The following NR2F6 variants were observed in gnomAD, a reference collection of about 807,000 sequenced individuals.
NR2F6 encodes ERBA-related gene-2.
A neutral mutation model predicts 26.5 loss-of-function variants in NR2F6; 16 were observed. That is an observed-to-expected ratio of 0.60 (90% confidence interval 0.41 to 0.92). The LOEUF is 0.92. Among genes scored for constraint, NR2F6 ranks in the 40% least tolerant of loss-of-function variants. The pLI is 0.00. For missense variants in NR2F6, 536 were observed against 631.7 expected (o/e 0.85, Z 1.62); for synonymous variants, 325 against 305.0 (o/e 1.07, Z -0.68).
chr19:17,240,692 G>A lies in NR2F6; in HGVS notation c.352C>T (p.Arg118Trp), dbSNP rs146541423. The change falls in exon 2 of 4, where the codon CGG becomes TGG. Residue 118 changes from arginine (R) to tryptophan (W), a missense_variant. Coordinates refer to ENST00000291442, the MANE Select transcript of NR2F6 (RefSeq NM_005234.4). ...CQYCRLKKCF[R>W]VGMRKEAVQR... ...TCACCCTCCTTCCTCATGCCCACCC[G>A]GAAGCACTTCTTGAGACGGCAGTAC... 68 of 1,614,044 alleles carry A rather than the reference G, an allele frequency of 4.2e-5. No individual in the cohort carries two copies. Among genetic ancestry groups the A allele is most frequent in the African/African-American group, 3.7e-4 (28 of 74,916 alleles).
rs561237129 is a variant in NR2F6 at position 17,237,187 on chromosome 19, C to G, written c.374-1122G>C. On this transcript the variant is annotated intron_variant, in intron 2 of 3. Coordinates refer to ENST00000291442, the MANE Select transcript of NR2F6 (RefSeq NM_005234.4). ...GGGTTGAAGCCCGCTCCAAGGGGTC[C>G]CTGAGTCTGAGTCAACTGTCAAATG... is the stretch of plus-strand genomic sequence containing the variant. Among the ~76,000 whole-genome samples the G allele has an allele frequency of 1.8e-4, 28 of 152,184 alleles. No individual in the cohort carries two copies. The South Asian group carries it at 4.6e-3, about 25-fold the overall frequency.
At position 17,245,748 on chromosome 19, in the gene NR2F6, G is replaced by C. The variant is rs1383517900; in HGVS notation, c.-528C>G. 2.1e-5 allele frequency: 3 copies of C among 145,364 alleles called. No individual in the cohort carries two copies. The East Asian group carries it at 6.0e-4, about 29-fold the overall frequency. The allele number at this position is 145,364 out of a possible 1,614,324, so 9.0% of individuals were successfully genotyped here. ...CGCCGCGCCCCCTGGGTCCCCCGGC[G>C]CCCGCGGCTGCCGCTCCGGGCCTGC... On this transcript the variant is annotated 5_prime_UTR_variant, in exon 1 of 4. Coordinates refer to ENST00000291442, the MANE Select transcript of NR2F6 (RefSeq NM_005234.4). This position sits in a 1 kb window ranked among gnomAD's most constrained non-coding sequence, Gnocchi z 5.0.
In NR2F6 at chr19:17,245,318, G is replaced by A. The variant is rs976466546; in HGVS notation, c.-98C>T. On this transcript the variant is annotated 5_prime_UTR_variant, in exon 1 of 4. Coordinates refer to ENST00000291442, the MANE Select transcript of NR2F6 (RefSeq NM_005234.4). This position sits in a 1 kb window ranked among gnomAD's most constrained non-coding sequence, Gnocchi z 5.0. ...CCCTACGCGGCGCGCATTCGGCCCC[G>A]GCGCGCGGGGGGCACGGGCTGCACC... The A allele has an allele frequency of 1.7e-5, 18 of 1,038,796 alleles. No homozygotes were observed. The East Asian group carries it at 4.9e-4, about 28-fold the overall frequency. The allele number at this position is 1,038,796 out of a possible 1,614,324, so 64.3% of individuals were successfully genotyped here.
intron 3 of NR2F6, among the ~76,000 whole-genome samples, chr19:17,234,936 G>A (rs182051292): frequency 6.6e-6 from 1 of 152,196 alleles, no homozygotes; most frequent in East Asian, 1.9e-4. Flanking sequence ...GAATACGATG[G>A]GCTACCACTG....
At chr19:17,236,309 G>T (rs1457076869) in intron 2 of NR2F6, among the ~76,000 whole-genome samples, 1 of 139,132 alleles carries the variant, frequency 7.2e-6, no homozygotes, top group Non-Finnish European at 1.6e-5. Flanking sequence ...GGGCAGGTGG[G>T]GGGGGGCAGG....
intron 3 of NR2F6, among the ~76,000 whole-genome samples, chr19:17,234,091 C>T (rs982251697): frequency 1.7e-4 from 26 of 152,028 alleles, no homozygotes; most frequent in East Asian, 3.9e-4. Context: ...GGCGTGGTGA[C>T]GCGTGCCTGT....
intron 3 of NR2F6, among the ~76,000 whole-genome samples, chr19:17,233,642 A>C (rs1428207448): frequency 6.6e-6 from 1 of 152,096 alleles, no homozygotes; most frequent in East Asian, 1.9e-4. Context: ...CATTACAGGC[A>C]CACTCCACCA....
chr19:17,233,805 A>C (rs1288539751), intron 3 of NR2F6, among the ~76,000 whole-genome samples: 1 of 151,504 alleles, frequency 6.6e-6, no homozygotes, highest in Non-Finnish European at 1.5e-5. Flanking sequence ...GATGGGTTCT[A>C]AGGAAGCTCG....
intron 2 of NR2F6, among the ~76,000 whole-genome samples, chr19:17,237,577 A>C (rs1054669155): frequency 6.6e-6 from 1 of 151,594 alleles, no homozygotes. Context: ...ACGCCTGGCT[A>C]ATTTTTGTAT....
At position 17,235,345 on chromosome 19, in the gene NR2F6, G is replaced by A. The variant is rs1426457173; in HGVS notation, c.940+154C>T. Among the ~76,000 whole-genome samples the A allele has an allele frequency of 6.6e-6, 1 of 152,220 alleles. No homozygotes were observed. Among genetic ancestry groups the A allele is most frequent in the Non-Finnish European group, 1.5e-5 (1 of 68,026 alleles). Reference sequence around the variant, plus strand: ...ACACTGCTTACATCACCCCTCTACAGCCACCCAAGAGCGTTCACTCACGGC... The same window carrying A: ...ACACTGCTTACATCACCCCTCTACAACCACCCAAGAGCGTTCACTCACGGC... On this transcript the variant is annotated intron_variant, in intron 3 of 3. Coordinates refer to ENST00000291442, the MANE Select transcript of NR2F6 (RefSeq NM_005234.4). This position sits in a 1 kb window ranked among gnomAD's most constrained non-coding sequence, Gnocchi z 5.0.
chr19:17,232,125 A>C lies in NR2F6; in HGVS notation c.*227T>G. 1 of 602,820 alleles carries C rather than the reference A, an allele frequency of 1.7e-6. No homozygotes were observed. The highest frequency in any genetic ancestry group is 2.8e-6 in the Non-Finnish European group (1 of 355,100). The allele number at this position is 602,820 out of a possible 1,614,324, so 37.3% of individuals were successfully genotyped here. ...TAGGATTGGACCCTCCATCCTGGAC[A>C]GGGGTCCTGGGGAGGATGAGGCTGA... On this transcript the variant is annotated 3_prime_UTR_variant, in exon 4 of 4. Coordinates refer to ENST00000291442, the MANE Select transcript of NR2F6 (RefSeq NM_005234.4).
In NR2F6 at chr19:17,244,830, G is replaced by T. The variant is rs1356744713; in HGVS notation, c.278+113C>A. On this transcript the variant is annotated intron_variant, in intron 1 of 3. Transcript: ENST00000291442. ...GTGCTGTGCCCCTATCTCAGAGGGG[G>T]CAGTGGAGGCCCAGGGAAGGTCAGC... 5 of 1,261,560 alleles carry T rather than the reference G, an allele frequency of 4.0e-6. No individual in the cohort carries two copies. The South Asian group carries it at 5.6e-5, about 14-fold the overall frequency. The allele number at this position is 1,261,560 out of a possible 1,614,324, so 78.1% of individuals were successfully genotyped here. A position where few individuals can be genotyped will look rare whatever the true frequency, so the allele number is the denominator to read the frequency against.
chr19:17,235,683 C>G lies in NR2F6; in HGVS notation c.756G>C (p.Leu252=), dbSNP rs1216658701. Residue 252 remains leucine, a synonymous_variant, in exon 3 of 4, where the codon CTG becomes CTC. Transcript: ENST00000291442. The surrounding 1 kb of genome is among the most constrained non-coding windows in gnomAD (Gnocchi z 5.0). ...LFVLNAAQAA[L]PLHTAPLLAA... Reference sequence around the variant, plus strand: ...CCAGTAGCGGCGCCGTGTGCAGGGGCAGCGCCGCCTGCGCCGCGTTCAGCA... The same window carrying G: ...CCAGTAGCGGCGCCGTGTGCAGGGGGAGCGCCGCCTGCGCCGCGTTCAGCA... 1.3e-6 allele frequency: 2 copies of G among 1,492,380 alleles called. No homozygotes were observed. The highest frequency in any genetic ancestry group is 1.8e-6 in the Non-Finnish European group (2 of 1,131,436). 92.4% of individuals were successfully genotyped at this position (1,492,380 alleles called of 1,614,324 possible). A position where few individuals can be genotyped will look rare whatever the true frequency, so the allele number is the denominator to read the frequency against.
intron 1 of NR2F6, among the ~76,000 whole-genome samples, chr19:17,243,402 ATGG>A (rs1204024857): frequency 6.6e-6 from 1 of 152,176 alleles, no homozygotes; most frequent in African/African-American, 2.4e-5. Flanking sequence ...TCAGAATGGA[ATGG>A]TGATTTCACC....
intron 3 of NR2F6, 64 bp from the exon 4 acceptor site, chr19:17,232,690 T>C (rs1599451965): frequency 1.3e-6 from 2 of 1,490,618 alleles, no homozygotes; most frequent in African/African-American, 2.8e-5. Flanking sequence ...CCCACAGGGG[T>C]GACTAGGGGA....
At chr19:17,238,818 A>G (rs1030756818) in intron 2 of NR2F6, among the ~76,000 whole-genome samples, 8 of 152,152 alleles carry the variant, frequency 5.3e-5, no homozygotes, top group African/African-American at 1.7e-4. Flanking sequence ...CTGTAATCCC[A>G]GTAGTTTGGG....
chr19:17,243,885 C>A (rs1480370223), intron 1 of NR2F6, among the ~76,000 whole-genome samples: 1 of 152,186 alleles, frequency 6.6e-6, no homozygotes, highest in African/African-American at 2.4e-5. Context: ...GGCACCAGGA[C>A]CTCTCTCTGG....
Position 17,245,016 on chromosome 19 carries a change from C to G in NR2F6, c.205G>C (p.Gly69Arg). ...CGDKSSGKHYGVFTCEGCKSF... is the reference protein window; with the variant it reads ...CGDKSSGKHYRVFTCEGCKSF... The stretch of plus-strand genomic sequence containing the variant: ...TTGCAGCCCTCGCAGGTGAAGACAC[C>G]GTAATGCTTGCCGCTCGACTTGTCC... The change falls in exon 1 of 4, where the codon GGT becomes CGT. Residue 69 changes from glycine (G) to arginine (R), a missense_variant. Gly to Arg is a moderately radical substitution (Grantham distance 125, BLOSUM62 -2). Coordinates refer to ENST00000291442, the MANE Select transcript of NR2F6 (RefSeq NM_005234.4). This position sits in a 1 kb window ranked among gnomAD's most constrained non-coding sequence, Gnocchi z 5.0. The G allele has an allele frequency of 6.3e-7, 1 of 1,599,416 alleles. No homozygotes were observed.
Position 17,245,216 on chromosome 19 carries a change from G to C in NR2F6, c.5C>G (p.Ala2Gly). ...GCCGCCCCAGCCGCCGGTCACCATGGCCATAGCCCCAGGGCAGCGGGGCCG... is the reference window on the plus strand; with the variant it reads ...GCCGCCCCAGCCGCCGGTCACCATGCCCATAGCCCCAGGGCAGCGGGGCCG... Reference protein sequence around the residue: MAMVTGGWGGPG... With the variant: MGMVTGGWGGPG... Residue 2 changes from alanine to glycine, a missense_variant, in exon 1 of 4, where the codon GCC (alanine) becomes GGC (glycine). Coordinates refer to ENST00000291442, the MANE Select transcript of NR2F6 (RefSeq NM_005234.4). The surrounding 1 kb of genome is among the most constrained non-coding windows in gnomAD (Gnocchi z 5.0). 7.4e-7 allele frequency: 1 copy of C among 1,354,390 alleles called. No individual in the cohort carries two copies. The highest frequency in any genetic ancestry group is 9.5e-7 in the Non-Finnish European group (1 of 1,053,556). The allele number at this position is 1,354,390 out of a possible 1,614,324, so 83.9% of individuals were successfully genotyped here. A position where few individuals can be genotyped will look rare whatever the true frequency, so the allele number is the denominator to read the frequency against.
Sources: allele counts gnomAD v4.1 joint callset (sites outside exome capture counted in the v4.1 genomes callset), GRCh38; gene constraint gnomAD v4.1.1; non-coding constraint Gnocchi (gnomAD v3.1); transcripts MANE v1.5; gene names NCBI Gene and HGNC (gene_info 2026-07-23, HGNC 2026-07-21).